HSDL2: variants seen among roughly 807,000 people sequenced by gnomAD.
The protein encoded by HSDL2 is hydroxysteroid dehydrogenase like 2, also known as hydroxysteroid dehydrogenase-like protein 2.
Under a neutral mutation model 46.3 loss-of-function variants are expected in HSDL2, and 27 were observed. The observed-to-expected ratio is 0.58, with a 90% CI of 0.43 to 0.80. HSDL2 has a LOEUF of 0.80. HSDL2 is among the 30% of genes least tolerant of loss of function. The pLI, the probability that HSDL2 is intolerant of heterozygous loss-of-function variation, is 0.00. For missense variants in HSDL2, 451 were observed against 502.7 expected (o/e 0.90, Z 0.98); for synonymous variants, 153 against 163.6 (o/e 0.94, Z 0.50).
chr9:112,404,351 G>C (rs1351947297), intron 2 of HSDL2, among the ~76,000 whole-genome samples, 193 bp downstream of exon 2: 1 of 152,132 alleles, frequency 6.6e-6, no homozygotes, highest in Non-Finnish European at 1.5e-5. Flanking sequence ...TTTAAGCAAT[G>C]TGAGAAACTC....
chr9:112,403,931 T>C, intron 1 of HSDL2, 64 bp from the exon 2 acceptor site: 1 of 1,510,412 alleles, frequency 6.6e-7, no homozygotes, highest in Non-Finnish European at 9.1e-7. Context: ...TGCATGAGGT[T>C]CTGATACCTG....
chr9:112,457,513 T>A (rs571680091), intron 9 of HSDL2, among the ~76,000 whole-genome samples: 2 of 151,534 alleles, frequency 1.3e-5, no homozygotes, highest in Non-Finnish European at 3.0e-5. Flanking sequence ...GATCTGGTGA[T>A]GTGTGCCTAT....
chr9:112,396,617 C>T (rs980674164), intron 1 of HSDL2, among the ~76,000 whole-genome samples: 1 of 152,120 alleles, frequency 6.6e-6, no homozygotes, highest in Non-Finnish European at 1.5e-5. Flanking sequence ...CAAAATGAGA[C>T]CAGTATGAAC....
intron 6 of HSDL2, chr9:112,434,075 A>C (rs1832464364): frequency 6.6e-6 from 1 of 152,148 alleles, no homozygotes; most frequent in Non-Finnish European, 1.5e-5. Flanking sequence ...CCAGAATTGT[A>C]ATTTTTTTCT....
At chr9:112,403,692 G>C (rs1473410477) in intron 1 of HSDL2, among the ~76,000 whole-genome samples, 1 of 151,118 alleles carries the variant, frequency 6.6e-6, no homozygotes, top group East Asian at 1.9e-4. Context: ...GGAAAAAAAT[G>C]CATGTTTATA....
At chr9:112,432,777 GT>G (rs1334151837) in intron 6 of HSDL2, among the ~76,000 whole-genome samples, 12 of 152,100 alleles carry the variant, frequency 7.9e-5, no homozygotes, top group Middle Eastern at 3.4e-3. Context: ...GTTGTGTTTT[GT>G]TTTTGTTTTT....
At chr9:112,401,499 G>C (rs1324650221) in intron 1 of HSDL2, among the ~76,000 whole-genome samples, 1 of 150,410 alleles carries the variant, frequency 6.6e-6, no homozygotes, top group Non-Finnish European at 1.5e-5. Flanking sequence ...TACCTAATTG[G>C]GATTCAAAAT....
At chr9:112,432,682 T>C (rs1587952204) in intron 6 of HSDL2, among the ~76,000 whole-genome samples, 4 of 152,324 alleles carry the variant, frequency 2.6e-5, no homozygotes, top group Non-Finnish European at 1.5e-5. Context: ...AGTGATGTTA[T>C]TTGGTCCTAG....
At chr9:112,385,706 G>A (rs1001130370) in intron 1 of HSDL2, among the ~76,000 whole-genome samples, 4 of 151,824 alleles carry the variant, frequency 2.6e-5, no homozygotes, top group Non-Finnish European at 5.9e-5. Context: ...TGTTGGTCAG[G>A]CTGGTCTCAA....
intron 9 of HSDL2, among the ~76,000 whole-genome samples, chr9:112,455,927 C>T (rs374865350): frequency 2.0e-5 from 3 of 152,144 alleles, no homozygotes; most frequent in Non-Finnish European, 4.4e-5. Context: ...ATCTCAAGCT[C>T]TAATGTCTAT....
chr9:112,466,323 C>T (rs562942236), intron 10 of HSDL2, among the ~76,000 whole-genome samples: 3 of 152,112 alleles, frequency 2.0e-5, no homozygotes, highest in Non-Finnish European at 4.4e-5. Context: ...GAGGCCGAGG[C>T]GGGCAGATCA....
chr9:112,406,326 A>G (rs1331428581), intron 3 of HSDL2, among the ~76,000 whole-genome samples: 3 of 152,272 alleles, frequency 2.0e-5, no homozygotes, highest in Non-Finnish European at 2.9e-5. Flanking sequence ...TGCACAATCT[A>G]TGTATGTGAG....
intron 7 of HSDL2, among the ~76,000 whole-genome samples, chr9:112,440,450 A>C (rs1832616501): frequency 6.6e-6 from 1 of 152,172 alleles, no homozygotes; most frequent in African/African-American, 2.4e-5. Context: ...GAGATTGTTA[A>C]CATCTCACTG....
chr9:112,435,220 A>G (rs1438408279), intron 6 of HSDL2, among the ~76,000 whole-genome samples: 2 of 152,030 alleles, frequency 1.3e-5, no homozygotes, highest in Admixed American at 1.3e-4. Flanking sequence ...TTCTTATTCT[A>G]TAGACACTCA....
chr9:112,443,557 G>C (rs1180725920), intron 8 of HSDL2, among the ~76,000 whole-genome samples: 1 of 152,042 alleles, frequency 6.6e-6, no homozygotes, highest in African/African-American at 2.4e-5. Flanking sequence ...GTGAGACCCT[G>C]TCTCTACAAA....
At chr9:112,412,055 C>A (rs1328431872) in intron 4 of HSDL2, among the ~76,000 whole-genome samples, 1 of 152,134 alleles carries the variant, frequency 6.6e-6, no homozygotes, top group African/African-American at 2.4e-5. Context: ...CTGAAAATCC[C>A]AAATCCAGAA....
At chr9:112,421,038 A>G (rs999974891) in intron 6 of HSDL2, among the ~76,000 whole-genome samples, 13 of 152,240 alleles carry the variant, frequency 8.5e-5, no homozygotes, top group African/African-American at 3.1e-4. Context: ...CACTCTTTAA[A>G]AATGTAACAG....
intron 4 of HSDL2, among the ~76,000 whole-genome samples, chr9:112,412,592 T>G (rs1831899222): frequency 6.6e-6 from 1 of 152,234 alleles, no homozygotes; most frequent in South Asian, 2.1e-4. Flanking sequence ...TGTAGATTTG[T>G]CAAAATTAGT....
rs564021070 is a variant in HSDL2, at chr9:112,441,685, G to A, written c.794-14G>A. ...TAGTTACATTAACCTAATGGTTTGG[G>A]GTCAATTTTTCAGGTCATCCTTTGC... On this transcript the variant is annotated splice_polypyrimidine_tract_variant and intron_variant, in intron 7 of 10. Transcript: ENST00000398805. The A allele has an allele frequency of 4.4e-6, 7 of 1,594,238 alleles. No individual in the cohort carries two copies. The South Asian group carries it at 7.7e-5, about 18-fold the overall frequency.
Sources: allele counts gnomAD v4.1 joint callset (sites outside exome capture counted in the v4.1 genomes callset), GRCh38; gene constraint gnomAD v4.1.1; transcripts MANE v1.5; gene names NCBI Gene and HGNC (gene_info 2026-07-23, HGNC 2026-07-21).